Variants in EPX observed in about 807,000 individuals in gnomAD.
The protein encoded by EPX is eosinophil peroxidase.
EPX carries 60 observed loss-of-function variants against 73.0 expected under a neutral mutation model. The ratio of observed to expected loss-of-function variants is 0.82; its 90% CI spans 0.67 to 1.02. EPX has a LOEUF of 1.02. Among genes scored for constraint, EPX ranks in the 50% least tolerant of loss-of-function variants. The probability of loss-of-function intolerance (pLI) is 0.00; values close to 1 mark genes in which losing one functional copy is unlikely to be tolerated. For missense variants in EPX, 950 were observed against 973.9 expected (o/e 0.98, Z 0.33); for synonymous variants, 347 against 389.2 (o/e 0.89, Z 1.28).
chr17:58,201,349 C>A (rs747376668), intron 10 of EPX, among the ~76,000 whole-genome samples: 1 of 152,174 alleles, frequency 6.6e-6, no homozygotes, highest in African/African-American at 2.4e-5. Flanking sequence ...CACCCCCTGC[C>A]GGAGAGCTGA....
At chr17:58,198,654 G>T (rs949506190) in intron 7 of EPX, among the ~76,000 whole-genome samples, 19 of 152,166 alleles carry the variant, frequency 1.2e-4, no homozygotes, top group African/African-American at 4.6e-4. Context: ...CAGAGAACAC[G>T]CAGGCAGATG....
Position 58,203,110 on chromosome 17 carries a change from C to A in EPX, c.1738C>A (p.Leu580Ile), listed in dbSNP as rs1223373538. Residue 580 changes from leucine to isoleucine, a missense_variant, in exon 11 of 13, where the codon CTC becomes ATC. By Grantham distance (5) the Leu-to-Ile change is conservative (BLOSUM62 2). Transcript: ENST00000225371. ...GYNAWRRFCG[L>I]SQPRNLAQLS... is the part of the protein sequence containing the mutation. ...CAATGCTTGGAGGCGCTTCTGTGGG[C>A]TCTCCCAGCCCCGGAATTTGGCACA... 1.9e-6 allele frequency: 3 copies of A among 1,614,010 alleles called. No homozygotes were observed. The highest frequency in any genetic ancestry group is 2.5e-6 in the Non-Finnish European group (3 of 1,179,972).
At chr17:58,196,408 C>T (rs111749840) in intron 6 of EPX, among the ~76,000 whole-genome samples, 37 of 152,244 alleles carry the variant, frequency 2.4e-4, no homozygotes, top group African/African-American at 8.7e-4. Context: ...ACACCTGGCC[C>T]ACATATGGCT....
chr17:58,204,328 T>C lies in EPX; in HGVS notation c.2053T>C (p.Ser685Pro). 6.2e-7 allele frequency: 1 copy of C among 1,613,898 alleles called. No homozygotes were observed. The highest frequency in any genetic ancestry group is 8.5e-7 in the Non-Finnish European group (1 of 1,179,744). Residue 685 changes from serine to proline, a missense_variant, in exon 12 of 13, where the codon TCA becomes CCA. Physicochemically the swap from Ser to Pro is moderately conservative, Grantham distance 74. Transcript: ENST00000225371. Reference sequence around the variant, plus strand: ...TGACAATACCGGTATCACCACGGTTTCAAGGGACATCTTCAGAGCCAACAT... The same window carrying C: ...TGACAATACCGGTATCACCACGGTTCCAAGGGACATCTTCAGAGCCAACAT... ...ICDNTGITTV[S>P]RDIFRANIYP...
In EPX at chr17:58,192,742, T is replaced by G; in HGVS notation, c.-105T>G. ...ACGTCCAGAGAAGAGCTGGAGGAAG[T>G]GAGAGGTCGGCTGGGGGTCCTCAAA... On this transcript the variant is annotated 5_prime_UTR_variant, in exon 1 of 13. Coordinates refer to ENST00000225371, the MANE Select transcript of EPX (RefSeq NM_000502.6). 1 of 941,054 alleles carries G rather than the reference T, an allele frequency of 1.1e-6. No homozygotes were observed. 58.3% of individuals were successfully genotyped at this position (941,054 alleles called of 1,614,324 possible). A position where few individuals can be genotyped will look rare whatever the true frequency, so the allele number is the denominator to read the frequency against.
At chr17:58,204,044 TTA>T (rs1302985804) in intron 11 of EPX, among the ~76,000 whole-genome samples, 176 bp from the exon 12 acceptor site, 2 of 148,096 alleles carry the variant, frequency 1.4e-5, no homozygotes, top group African/African-American at 4.9e-5. Context: ...TACTGTGCAC[TTA>T]ATACTGGGCA....
intron 5 of EPX, 31 bp from the exon 6 acceptor site, chr17:58,194,933 A>G (rs753110345): frequency 1.9e-6 from 3 of 1,570,590 alleles, no homozygotes; most frequent in Non-Finnish European, 2.6e-6. Flanking sequence ...CAGGGAGCCC[A>G]TGTCCCGTGC....
At chr17:58,194,930 C>G in intron 5 of EPX, 34 bp from the exon 6 acceptor site, 4 of 1,552,264 alleles carry the variant, frequency 2.6e-6, no homozygotes, top group Non-Finnish European at 3.6e-6. Context: ...GGTCAGGGAG[C>G]CCATGTCCCG....
At chr17:58,204,455 G>C in intron 12 of EPX, 21 bp downstream of exon 12, 1 of 1,508,976 alleles carries the variant, frequency 6.6e-7, no homozygotes, top group Non-Finnish European at 9.2e-7. Context: ...GCCACCTCCA[G>C]CACCCTGGGC....
chr17:58,201,619 A>G (rs1251663326), intron 10 of EPX, among the ~76,000 whole-genome samples: 2 of 152,098 alleles, frequency 1.3e-5, no homozygotes, highest in African/African-American at 4.8e-5. Flanking sequence ...TGTACCTATG[A>G]TCAGGTCCTT....
In EPX at chr17:58,197,067, C is replaced by T. The variant is rs150544366; in HGVS notation, c.930C>T (p.Asp310=). Reference sequence around the variant, plus strand: ...TCAACGCGCTCACCTCCTTTGTGGACGCCAGCATGGTGTATGGCAGTGAGG... The same window carrying T: ...TCAACGCGCTCACCTCCTTTGTGGATGCCAGCATGGTGTATGGCAGTGAGG... ...NQINALTSFV[D]ASMVYGSEVS... Residue 310 remains aspartate, a synonymous_variant, in exon 7 of 13, where the codon GAC becomes GAT. Coordinates refer to ENST00000225371, the MANE Select transcript of EPX (RefSeq NM_000502.6). 5.8e-5 allele frequency: 94 copies of T among 1,614,180 alleles called. 1 individual carries two copies. Among genetic ancestry groups the T allele is most frequent in the African/African-American group, 4.7e-4 (35 of 75,060 alleles).
Position 58,203,087 on chromosome 17 carries a change from A to G in EPX, c.1715A>G (p.Asn572Ser). Residue 572 changes from asparagine (N) to serine (S), a missense_variant, in exon 11 of 13, where the codon AAT (asparagine) becomes AGT (serine). Transcript: ENST00000225371. ...RSRDHGLPGY[N>S]AWRRFCGLSQ... ...TCTCCCCGTTCCCCTGCAGGGTACA[A>G]TGCTTGGAGGCGCTTCTGTGGGCTC... The G allele has an allele frequency of 6.2e-7, 1 of 1,613,226 alleles. No homozygotes were observed. Among genetic ancestry groups the G allele is most frequent in the Non-Finnish European group, 8.5e-7 (1 of 1,179,376 alleles).
chr17:58,198,982 G>C, intron 7 of EPX, 58 bp from the exon 8 acceptor site: 1 of 1,587,642 alleles, frequency 6.3e-7, no homozygotes, highest in Middle Eastern at 1.7e-4. Context: ...GGTCTACCCT[G>C]GTAGAAAGAC....
At chr17:58,197,624 A>G (rs1968279568) in intron 7 of EPX, among the ~76,000 whole-genome samples, 1 of 152,020 alleles carries the variant, frequency 6.6e-6, no homozygotes, top group African/African-American at 2.4e-5. Flanking sequence ...TCCCTCTTAC[A>G]CGCAGGAATA....
At chr17:58,203,745 A>G (rs1029019502) in intron 11 of EPX, among the ~76,000 whole-genome samples, 22 of 151,604 alleles carry the variant, frequency 1.5e-4, no homozygotes, top group Admixed American at 1.4e-3. Flanking sequence ...ATCCCGGCTA[A>G]AACGGTGAAA....
intron 8 of EPX, 140 bp downstream of exon 8, chr17:58,199,340 G>A (rs1476440019): frequency 5.3e-6 from 6 of 1,130,600 alleles, no homozygotes; most frequent in Admixed American, 2.0e-5. Flanking sequence ...CTCTGGCCCC[G>A]ATTCTGCCTC....
intron 2 of EPX, 117 bp downstream of exon 2, chr17:58,193,248 T>C: frequency 2.4e-6 from 3 of 1,238,474 alleles, no homozygotes; most frequent in Non-Finnish European, 2.4e-6. Context: ...TTCCTGTTGG[T>C]AGAGCCTCCC....
chr17:58,202,204 G>A (rs960380610), intron 10 of EPX: 4 of 152,314 alleles, frequency 2.6e-5, no homozygotes, highest in Non-Finnish European at 5.9e-5. Context: ...TCCGCTGGGG[G>A]ATGGTGTGTG....
At position 58,193,744 on chromosome 17, in the gene EPX, T is replaced by G. The variant is rs1332325615; in HGVS notation, c.377T>G (p.Leu126Arg). 6.2e-7 allele frequency: 1 copy of G among 1,612,336 alleles called. No individual in the cohort carries two copies. The highest frequency in any genetic ancestry group is 2.2e-5 in the East Asian group (1 of 44,880). ...DVLTEPQLRLLSQASGCALRD... is the reference protein window; with the variant it reads ...DVLTEPQLRLRSQASGCALRD... Reference sequence around the variant, plus strand: ...CTAACAGAACCACAGCTGCGGCTGCTGTCCCAGGCCAGTGGCTGTGCTCTC... The same window carrying G: ...CTAACAGAACCACAGCTGCGGCTGCGGTCCCAGGCCAGTGGCTGTGCTCTC... The change falls in exon 4 of 13, where the codon CTG becomes CGG. Residue 126 changes from leucine to arginine, a missense_variant. Coordinates refer to ENST00000225371, the MANE Select transcript of EPX (RefSeq NM_000502.6).
Sources: allele counts gnomAD v4.1 joint callset (sites outside exome capture counted in the v4.1 genomes callset), GRCh38; gene constraint gnomAD v4.1.1; transcripts MANE v1.5; gene names NCBI Gene and HGNC (gene_info 2026-07-23, HGNC 2026-07-21).